Variants in KAZN observed in about 807,000 individuals in gnomAD.
KAZN encodes kazrin, periplakin interacting protein.
In KAZN, 40 loss-of-function variants were observed where a neutral mutation model predicts 87.4. The observed-to-expected ratio is 0.46, with a 90% CI of 0.36 to 0.60. The LOEUF (loss-of-function observed/expected upper bound fraction) is 0.60. Ranked by LOEUF, KAZN falls within the 20% of genes least tolerant of loss-of-function variation. The probability of loss-of-function intolerance (pLI) is 0.00; values close to 1 mark genes in which losing one functional copy is unlikely to be tolerated. For synonymous variants in KAZN, 466 were observed against 458.3 expected, an observed-to-expected ratio of 1.02 and a Z score of -0.22; for missense variants, 898 against 1,073.9, an observed-to-expected ratio of 0.84 and a Z score of 2.29.
chr1:14,553,300 G>A (rs529282453), intron 2 of KAZN, among the ~76,000 whole-genome samples: 50 of 152,284 alleles, frequency 3.3e-4, no homozygotes, highest in South Asian at 6.2e-4. Flanking sequence ...GGTGGAGGCT[G>A]CAGTGAGCCA....
At chr1:14,063,299 A>G (rs1341841303) in intron 1 of KAZN, among the ~76,000 whole-genome samples, 1 of 152,188 alleles carries the variant, frequency 6.6e-6, no homozygotes, top group Non-Finnish European at 1.5e-5. Context: ...ACTGAACACT[A>G]TTTTCCATAA....
intron 2 of KAZN, among the ~76,000 whole-genome samples, chr1:14,232,694 T>C (rs967632559): frequency 6.6e-6 from 1 of 152,250 alleles, no homozygotes; most frequent in Non-Finnish European, 1.5e-5. Flanking sequence ...TACTCTTGTG[T>C]ATGTCTGCTA....
intron 2 of KAZN, among the ~76,000 whole-genome samples, chr1:14,993,007 A>G (rs554757179): frequency 1.0e-4 from 15 of 146,436 alleles, no homozygotes; most frequent in African/African-American, 3.6e-4. Flanking sequence ...TTTTTTTTCT[A>G]ATAGAGACAG....
intron 1 of KAZN, among the ~76,000 whole-genome samples, chr1:13,974,578 A>C (rs1014507862): frequency 6.6e-6 from 1 of 152,208 alleles, no homozygotes; most frequent in African/African-American, 2.4e-5. Context: ...TTTGGCAGAC[A>C]GAAGAGGAGA....
intron 1 of KAZN, among the ~76,000 whole-genome samples, chr1:14,661,143 A>G (rs1163723731): frequency 6.6e-6 from 1 of 152,158 alleles, no homozygotes; most frequent in East Asian, 1.9e-4. Flanking sequence ...TCTTCTCCCC[A>G]TTTGTAGATA....
chr1:14,488,898 G>A (rs566401027), intron 2 of KAZN, among the ~76,000 whole-genome samples: 1 of 152,274 alleles, frequency 6.6e-6, no homozygotes, highest in African/African-American at 2.4e-5. Context: ...GACTGTGTTT[G>A]GAGGACAGGA....
chr1:14,890,635 C>T (rs575870630), intron 1 of KAZN, among the ~76,000 whole-genome samples: 6 of 152,220 alleles, frequency 3.9e-5, no homozygotes, highest in Non-Finnish European at 8.8e-5. Flanking sequence ...TCTCAGTATA[C>T]AGACTTCCGG....
intron 1 of KAZN, among the ~76,000 whole-genome samples, chr1:14,113,431 C>T (rs1294611272): frequency 6.6e-6 from 1 of 152,096 alleles, no homozygotes; most frequent in East Asian, 1.9e-4. Flanking sequence ...AAGCACTTTC[C>T]CCGAAAAATG....
chr1:14,931,385 G>T (rs1345051455), intron 1 of KAZN, among the ~76,000 whole-genome samples: 2 of 152,064 alleles, frequency 1.3e-5, no homozygotes, highest in African/African-American at 4.8e-5. Context: ...AGAGGCAGAG[G>T]TTATAGTGAG....
chr1:14,636,441 A>C (rs1679990375), intron 1 of KAZN, among the ~76,000 whole-genome samples: 1 of 152,160 alleles, frequency 6.6e-6, no homozygotes, highest in African/African-American at 2.4e-5. Flanking sequence ...CTTTGGATAG[A>C]GGGCTCTTTG....
chr1:14,066,416 A>G (rs1643012093), intron 1 of KAZN, among the ~76,000 whole-genome samples: 1 of 152,220 alleles, frequency 6.6e-6, no homozygotes, highest in Non-Finnish European at 1.5e-5. Flanking sequence ...AGGAGAATTC[A>G]ATCTCCTTGA....
chr1:14,003,904 T>A (rs899401986), intron 1 of KAZN, among the ~76,000 whole-genome samples: 3 of 152,106 alleles, frequency 2.0e-5, no homozygotes, highest in African/African-American at 7.2e-5. Flanking sequence ...AGAGCTTCTG[T>A]TCTTCAACAG....
In KAZN at chr1:14,923,619, A is replaced by C. The variant is rs556439334; in HGVS notation, c.227-37065A>C. On this transcript the variant is annotated intron_variant, in intron 1 of 14. Coordinates refer to ENST00000376030, the MANE Select transcript of KAZN (RefSeq NM_201628.3). This position sits in a 1 kb window ranked among gnomAD's most constrained non-coding sequence, Gnocchi z 4.2. ...AGGTGAAGTCACAGGGCCTCCCACC[A>C]GATCTCAGCCCCCTCGCGATCTCCC... Among the ~76,000 whole-genome samples, 8 of 152,326 alleles carry C rather than the reference A, an allele frequency of 5.3e-5. No homozygotes were observed. Among genetic ancestry groups the C allele is most frequent in the African/African-American group, 1.9e-4 (8 of 41,588 alleles).
At chr1:14,530,341 G>A (rs564635126) in intron 2 of KAZN, among the ~76,000 whole-genome samples, 16 of 152,330 alleles carry the variant, frequency 1.1e-4, no homozygotes, top group South Asian at 4.1e-4. Flanking sequence ...GGTTTTATCC[G>A]TCTCTGCCAT....
chr1:14,544,735 AT>A (rs1673035187), intron 2 of KAZN, among the ~76,000 whole-genome samples: 2 of 145,218 alleles, frequency 1.4e-5, no homozygotes, highest in Admixed American at 1.4e-4. Context: ...TGGCTTCTTT[AT>A]TTAAAAAAAA....
intron 2 of KAZN, among the ~76,000 whole-genome samples, chr1:14,384,944 C>A (rs2101063432): frequency 6.6e-6 from 1 of 151,412 alleles, no homozygotes; most frequent in South Asian, 2.1e-4. Context: ...TCCATCTGGT[C>A]CTGGACTCTT....
chr1:14,157,716 C>T (rs1256673129), intron 1 of KAZN, among the ~76,000 whole-genome samples: 1 of 152,024 alleles, frequency 6.6e-6, no homozygotes, highest in Non-Finnish European at 1.5e-5. Context: ...TGTATTAGTC[C>T]ATTTTCCCAC....
intron 1 of KAZN, among the ~76,000 whole-genome samples, chr1:14,131,409 A>G (rs978144224): frequency 7.3e-4 from 111 of 152,272 alleles, no homozygotes; most frequent in African/African-American, 2.6e-3. Flanking sequence ...AGTCAATCCG[A>G]TACGTTAGAG....
chr1:14,121,342 A>T (rs1349928765), intron 1 of KAZN, among the ~76,000 whole-genome samples: 1 of 152,222 alleles, frequency 6.6e-6, no homozygotes, highest in Non-Finnish European at 1.5e-5. Flanking sequence ...ACCATATACC[A>T]ACCTGAAGTG....
Sources: gnomAD v4.1 joint callset for allele counts (sites outside exome capture counted in the v4.1 genomes callset) on GRCh38, gnomAD v4.1.1 for gene constraint, Gnocchi (gnomAD v3.1) non-coding constraint, MANE v1.5 for transcripts, NCBI Gene and HGNC (gene_info 2026-07-23, HGNC 2026-07-21) for gene names.